Variants in TAFA2 observed in about 807,000 individuals in gnomAD.
TAFA2 encodes chemokine-like protein TAFA-2.
Under a neutral mutation model 18.8 loss-of-function variants are expected in TAFA2, and 7 were observed. That is an observed-to-expected ratio of 0.37 (90% CI 0.21 to 0.70). TAFA2 has a LOEUF of 0.70. Ranked by LOEUF, TAFA2 falls within the 30% of genes least tolerant of loss-of-function variation. TAFA2 has a pLI of 0.53. For missense variants in TAFA2, 122 were observed against 158.1 expected, an observed-to-expected ratio of 0.77 and a Z score of 1.23; for synonymous variants, 60 against 54.2, an observed-to-expected ratio of 1.11 and a Z score of -0.47.
At chr12:61,806,850 T>A (rs751210138) in intron 2 of TAFA2, among the ~76,000 whole-genome samples, 22 of 152,242 alleles carry the variant, frequency 1.4e-4, no homozygotes, top group Non-Finnish European at 2.9e-4. Context: ...GAGAGATGAT[T>A]TAGGGTAACT....
intron 1 of TAFA2, among the ~76,000 whole-genome samples, chr12:61,969,196 A>G (rs1181023880): frequency 3.3e-5 from 5 of 151,736 alleles, no homozygotes; most frequent in Non-Finnish European, 7.4e-5. Flanking sequence ...ATGCTTTATG[A>G]CTGAACAACA....
At chr12:62,109,142 G>T (rs1425579010) in intron 1 of TAFA2, among the ~76,000 whole-genome samples, 1 of 152,120 alleles carries the variant, frequency 6.6e-6, no homozygotes, top group African/African-American at 2.4e-5. Flanking sequence ...AATTCATCTT[G>T]AGTTAATTTT....
chr12:62,217,032 T>C (rs927225465), intron 1 of TAFA2, among the ~76,000 whole-genome samples: 3 of 152,228 alleles, frequency 2.0e-5, no homozygotes, highest in Non-Finnish European at 4.4e-5. Flanking sequence ...AAACAAATTA[T>C]TGTATCTTAT....
intron 1 of TAFA2, among the ~76,000 whole-genome samples, chr12:61,908,972 T>G (rs1876486138): frequency 6.6e-6 from 1 of 152,184 alleles, no homozygotes; most frequent in Non-Finnish European, 1.5e-5. Context: ...CCTAGAGTGA[T>G]CCAGTAGTGC....
At chr12:61,951,183 G>A (rs1041973529) in intron 1 of TAFA2, among the ~76,000 whole-genome samples, 4 of 152,166 alleles carry the variant, frequency 2.6e-5, no homozygotes, top group Non-Finnish European at 5.9e-5. Context: ...CGGAGGATAT[G>A]TGACGCAGGA....
intron 1 of TAFA2, among the ~76,000 whole-genome samples, chr12:62,032,934 A>G (rs1881498963): frequency 6.6e-6 from 1 of 152,206 alleles, no homozygotes; most frequent in African/African-American, 2.4e-5. Flanking sequence ...GGATTTTATT[A>G]CTATTATTAT....
chr12:61,755,577 C>A (rs1869226388), intron 2 of TAFA2, among the ~76,000 whole-genome samples: 1 of 152,080 alleles, frequency 6.6e-6, no homozygotes, highest in Non-Finnish European at 1.5e-5. Context: ...GAAATTGCCA[C>A]CATTTTTCTG....
At chr12:61,937,605 G>A (rs866289125) in intron 1 of TAFA2, among the ~76,000 whole-genome samples, 2 of 152,196 alleles carry the variant, frequency 1.3e-5, no homozygotes, top group Admixed American at 6.5e-5. Context: ...ATAGCCACAT[G>A]TAGAAGAATG....
intron 1 of TAFA2, among the ~76,000 whole-genome samples, chr12:62,205,644 T>G (rs772383639): frequency 6.6e-6 from 1 of 152,192 alleles, no homozygotes; most frequent in Non-Finnish European, 1.5e-5. Context: ...CTGTGGGGAA[T>G]TCCTCCTGGG....
chr12:62,241,782 C>T (rs11174391), intron 1 of TAFA2, among the ~76,000 whole-genome samples: 2,034 of 152,252 alleles, frequency 0.013, 48 homozygotes, highest in African/African-American at 0.047. Context: ...ATGACCTTAT[C>T]ATCACATCCT....
intron 1 of TAFA2, among the ~76,000 whole-genome samples, chr12:62,141,543 C>T (rs902655462): frequency 5.3e-5 from 8 of 152,134 alleles, no homozygotes; most frequent in Non-Finnish European, 1.2e-4. Flanking sequence ...AGAATTTTGC[C>T]TGACATTTTG....
At chr12:62,214,481 C>A (rs2062726234) in intron 1 of TAFA2, among the ~76,000 whole-genome samples, 1 of 152,122 alleles carries the variant, frequency 6.6e-6, no homozygotes, top group Non-Finnish European at 1.5e-5. Context: ...TTTTTCTTCC[C>A]AGTCTTGGGT....
intron 1 of TAFA2, among the ~76,000 whole-genome samples, chr12:62,091,285 T>G (rs574123118): frequency 6.6e-4 from 101 of 152,076 alleles, no homozygotes; most frequent in African/African-American, 2.3e-3. Flanking sequence ...GAATTCCATT[T>G]GATGGAATTG....
intron 1 of TAFA2, among the ~76,000 whole-genome samples, chr12:62,216,576 A>G (rs189622748): frequency 6.6e-6 from 1 of 152,358 alleles, no homozygotes; most frequent in East Asian, 1.9e-4. Context: ...AAGTAGTTCC[A>G]ACTATAGATG....
chr12:61,735,782 T>C (rs565556081), intron 4 of TAFA2, among the ~76,000 whole-genome samples: 1 of 152,002 alleles, frequency 6.6e-6, no homozygotes, highest in East Asian at 1.9e-4. Context: ...TTGTATATTA[T>C]TTTGTTTTTG....
At chr12:62,029,296 A>G (rs115789112) in intron 1 of TAFA2, among the ~76,000 whole-genome samples, 2,743 of 152,260 alleles carry the variant, frequency 0.018, 68 homozygotes, top group African/African-American at 0.061. Context: ...AACACCTAGC[A>G]TGTGTCTGAT....
At chr12:61,947,662 A>C (rs144689470) in intron 1 of TAFA2, among the ~76,000 whole-genome samples, 1 of 152,098 alleles carries the variant, frequency 6.6e-6, no homozygotes, top group East Asian at 1.9e-4. Context: ...TCAAAGTTCT[A>C]CTCCAACAAT....
intron 1 of TAFA2, among the ~76,000 whole-genome samples, chr12:62,091,933 T>C (rs1868731634): frequency 1.3e-5 from 2 of 152,042 alleles, no homozygotes; most frequent in South Asian, 4.1e-4. Flanking sequence ...GAGTGACATA[T>C]TCTTTTCAGC....
intron 2 of TAFA2, among the ~76,000 whole-genome samples, chr12:61,839,050 A>G (rs1338970720): frequency 6.6e-6 from 1 of 152,056 alleles, no homozygotes; most frequent in Non-Finnish European, 1.5e-5. Context: ...CAAACGGTGG[A>G]GTATTTCCTC....
Sources: gnomAD v4.1 joint callset for allele counts (sites outside exome capture counted in the v4.1 genomes callset) on GRCh38, gnomAD v4.1.1 for gene constraint, MANE v1.5 for transcripts, NCBI Gene and HGNC (gene_info 2026-07-23, HGNC 2026-07-21) for gene names.